FRMPD1: variants seen among roughly 807,000 people sequenced by gnomAD.
FRMPD1 encodes FERM and PDZ domain containing 1, also known as FERM and PDZ domain-containing protein 1.
FRMPD1 carries 76 observed loss-of-function variants against 117.8 expected under a neutral mutation model. That is an observed-to-expected ratio of 0.65 (90% CI 0.54 to 0.78). FRMPD1 has a LOEUF of 0.78. Among genes scored for constraint, FRMPD1 ranks in the 30% least tolerant of loss-of-function variants. The pLI is 0.00. For synonymous variants in FRMPD1, 783 were observed against 770.4 expected (o/e 1.02, Z -0.27); for missense variants, 1,786 against 1,964.5 (o/e 0.91, Z 1.72).
At chr9:37,651,358 C>T (rs953676665) in intron 1 of FRMPD1, among the ~76,000 whole-genome samples, 3 of 152,226 alleles carry the variant, frequency 2.0e-5, no homozygotes, top group African/African-American at 7.2e-5. Context: ...TGAGTGGAAA[C>T]AGCGGCAACG....
At chr9:37,739,093 G>A (rs1471902129) in intron 14 of FRMPD1, among the ~76,000 whole-genome samples, 1 of 152,138 alleles carries the variant, frequency 6.6e-6, no homozygotes, top group Non-Finnish European at 1.5e-5. Flanking sequence ...ATTCTGTGAG[G>A]GAGACACTAG....
At chr9:37,678,898 T>G (rs1821625605) in intron 1 of FRMPD1, among the ~76,000 whole-genome samples, 1 of 152,266 alleles carries the variant, frequency 6.6e-6, no homozygotes, top group African/African-American at 2.4e-5. Context: ...GCACTTGGCC[T>G]GGGCCCTTAG....
Position 37,745,943 on chromosome 9 carries a change from C to T in FRMPD1, c.3911C>T (p.Pro1304Leu). 6.2e-7 allele frequency: 1 copy of T among 1,614,244 alleles called. No homozygotes were observed. The highest frequency in any genetic ancestry group is 1.1e-5 in the South Asian group (1 of 91,086). Residue 1304 changes from proline (P) to leucine (L), a missense_variant, in exon 16 of 16, where the codon CCT becomes CTT. Coordinates refer to ENST00000377765, the MANE Select transcript of FRMPD1 (RefSeq NM_014907.3). The stretch of plus-strand genomic sequence containing the variant: ...CTGTGCTTTGCCCCAGAAAGCCATC[C>T]TGAAGTCTCTGCCAGTCTCAGGGTG... ...SFLCFAPESH[P>L]EVSASLRVAT...
intron 1 of FRMPD1, among the ~76,000 whole-genome samples, chr9:37,665,170 A>G (rs1821124958): frequency 6.6e-6 from 1 of 152,264 alleles, no homozygotes; most frequent in African/African-American, 2.4e-5. Context: ...AAACCAGCAT[A>G]TATGGTAAGT....
the FRMPD1 span, chr9:37,637,102 C>G: frequency 9.5e-6 from 15 of 1,586,780 alleles, no homozygotes; most frequent in African/African-American, 1.7e-4. Context: ...CCTGGCCCGC[C>G]GTGTCCCAGA....
intron 2 of FRMPD1, chr9:37,693,052 A>G (rs1822202320): frequency 2.6e-6 from 1 of 385,616 alleles, no homozygotes; most frequent in South Asian, 3.4e-5. Context: ...GCACATGCAT[A>G]TACACTCTCT....
chr9:37,697,420 A>G (rs1263762639), intron 2 of FRMPD1, among the ~76,000 whole-genome samples: 1 of 152,022 alleles, frequency 6.6e-6, no homozygotes, highest in East Asian at 1.9e-4. Context: ...CAAAAAAATT[A>G]GCCGGGCGTG....
chr9:37,723,644 G>A (rs778417086), intron 6 of FRMPD1, among the ~76,000 whole-genome samples: 1 of 152,174 alleles, frequency 6.6e-6, no homozygotes, highest in Non-Finnish European at 1.5e-5. Context: ...GATCACTTGA[G>A]GCCAGGGGTT....
the FRMPD1 span, among the ~76,000 whole-genome samples, chr9:37,630,306 T>G: frequency 6.6e-6 from 1 of 152,208 alleles, no homozygotes; most frequent in Non-Finnish European, 1.5e-5. Flanking sequence ...TTGGCACTGT[T>G]GATGTTCCCT....
chr9:37,637,974 T>C, the FRMPD1 span, among the ~76,000 whole-genome samples: 3 of 101,840 alleles, frequency 2.9e-5, no homozygotes, highest in East Asian at 5.2e-4. Context: ...CTTTCTTTCT[T>C]TCTTTCTTTC....
At chr9:37,639,237 A>G in the FRMPD1 span, among the ~76,000 whole-genome samples, 1 of 152,244 alleles carries the variant, frequency 6.6e-6, no homozygotes. Context: ...TTGCACAAAA[A>G]AAGTGCTTGC....
rs531949141 is a variant in FRMPD1 at position 37,743,520 on chromosome 9, CTTTTTTTTTTTTTTTTTTTTTTT to C, written c.2357-852_2357-830del. 5.1e-4 allele frequency among the ~76,000 whole-genome samples: 21 copies of C among 40,934 alleles called. 2 individuals are homozygous for C. The South Asian group carries it at 0.011, about 21-fold the overall frequency. The allele number at this position is 40,934 out of a possible 152,430, so 26.9% of individuals were successfully genotyped here. On this transcript the variant is annotated intron_variant, in intron 15 of 15. Coordinates refer to ENST00000377765, the MANE Select transcript of FRMPD1 (RefSeq NM_014907.3). ...ATTGTGGTTGGAAAGAATGGCTCTG[CTTTTTTTTTTTTTTTTTTTTTTT>C]TTTTTTTTTTTTTTTTAATGTCTTT...
upstream of FRMPD1, among the ~76,000 whole-genome samples, chr9:37,650,330 A>T (rs1389447063): frequency 6.6e-6 from 1 of 152,142 alleles, no homozygotes; most frequent in Non-Finnish European, 1.5e-5. Context: ...CCGGCATTTT[A>T]GAGCTTCTGG....
At chr9:37,731,135 T>TGCACTG (rs748283863) in intron 9 of FRMPD1, 32 bp downstream of exon 9, 2 of 1,606,572 alleles carry the variant, frequency 1.2e-6, no homozygotes, top group Admixed American at 3.3e-5. Context: ...AAAATAACAG[T>TGCACTG]GGTTGTTCTC....
chr9:37,714,615 ATTTTATTTTGTTTTG>A (rs1232401314), intron 5 of FRMPD1, among the ~76,000 whole-genome samples: 1,235 of 107,474 alleles, frequency 0.011, 12 homozygotes, highest in African/African-American at 0.038. Flanking sequence ...ATTTTATTTT[ATTTTATTTTGTTTTG>A]TTTTATTTTA....
intron 4 of FRMPD1, among the ~76,000 whole-genome samples, chr9:37,710,466 A>T (rs1261574873): frequency 2.0e-5 from 3 of 152,174 alleles, no homozygotes; most frequent in South Asian, 2.1e-4. Context: ...GAAATCTAAG[A>T]GATAATGCAA....
At chr9:37,605,473 GAACCCACTCTACAC>G in the FRMPD1 span, among the ~76,000 whole-genome samples, 1 of 152,094 alleles carries the variant, frequency 6.6e-6, no homozygotes, top group Non-Finnish European at 1.5e-5. Context: ...CACATACTGA[GAACCCACTCTACAC>G]CAGCCCCTGC....
intron 1 of FRMPD1, among the ~76,000 whole-genome samples, chr9:37,688,523 T>C (rs1037430384): frequency 1.3e-5 from 2 of 152,100 alleles, no homozygotes; most frequent in Non-Finnish European, 2.9e-5. Flanking sequence ...CATATGTTTA[T>C]GTCCAATAAT....
chr9:37,689,004 A>T (rs1029313036), intron 1 of FRMPD1, among the ~76,000 whole-genome samples: 44 of 152,096 alleles, frequency 2.9e-4, no homozygotes, highest in Admixed American at 2.3e-3. Context: ...TTATAATAGA[A>T]ATCAGCATTT....
Sources: gnomAD v4.1 joint callset for allele counts (sites outside exome capture counted in the v4.1 genomes callset) on GRCh38, gnomAD v4.1.1 for gene constraint, MANE v1.5 for transcripts, NCBI Gene and HGNC (gene_info 2026-07-23, HGNC 2026-07-21) for gene names.